NKAIN3: variants seen among roughly 807,000 people sequenced by gnomAD.
The protein encoded by NKAIN3 is sodium/potassium transporting ATPase interacting 3.
Under a neutral mutation model 30.2 loss-of-function variants are expected in NKAIN3, and 25 were observed. The observed-to-expected ratio is 0.83, with a 90% CI of 0.60 to 1.16. The LOEUF is 1.16. Ranked by LOEUF, NKAIN3 falls within the 50% of genes most tolerant of loss-of-function variation. NKAIN3 has a pLI of 0.00. For missense variants in NKAIN3, 225 were observed against 254.1 expected (o/e 0.89, Z 0.78); for synonymous variants, 91 against 89.6 (o/e 1.02, Z -0.09).
At chr8:62,419,174 A>G (rs1804554414) in intron 1 of NKAIN3, among the ~76,000 whole-genome samples, 2 of 152,186 alleles carry the variant, frequency 1.3e-5, no homozygotes, top group Admixed American at 1.3e-4. Context: ...TTGACCCCAC[A>G]GAGTACTCAT....
chr8:62,692,183 TGAA>T (rs1813991283), intron 3 of NKAIN3, among the ~76,000 whole-genome samples: 1 of 152,054 alleles, frequency 6.6e-6, no homozygotes, highest in Non-Finnish European at 1.5e-5. Context: ...CCAGAGAAAA[TGAA>T]GAAGCCAGCC....
At position 62,975,659 on chromosome 8, in the gene NKAIN3, C is replaced by A. The variant is rs1041535730; in HGVS notation, c.*10252C>A. Among the ~76,000 whole-genome samples the A allele has an allele frequency of 6.6e-6, 1 of 152,060 alleles. No individual in the cohort carries two copies. Among genetic ancestry groups the A allele is most frequent in the African/African-American group, 2.4e-5 (1 of 41,404 alleles). ...TTTGAAGGGTTTTTCGTATCTCTTT[C>A]AGTTCTGTTCTGATCTTAGTTATTT... On this transcript the variant is annotated 3_prime_UTR_variant, in exon 7 of 7. Coordinates refer to ENST00000623646, the MANE Select transcript of NKAIN3 (RefSeq NM_001304533.3).
intron 3 of NKAIN3, among the ~76,000 whole-genome samples, chr8:62,662,723 T>C (rs1274805916): frequency 6.6e-6 from 1 of 152,222 alleles, no homozygotes; most frequent in Non-Finnish European, 1.5e-5. Context: ...ACTTAGTAGA[T>C]TAGTTGGTTG....
rs78171294 is a variant in NKAIN3, at chr8:62,970,488, AT to A, written c.*5082del. ...TCATCTTTCTTGAACTTGCATTCAA[AT>A]AAAGGGTAAAAATCATGTTAAATGC... On this transcript the variant is annotated 3_prime_UTR_variant, in exon 7 of 7. Transcript: ENST00000623646. Among the ~76,000 whole-genome samples the A allele has an allele frequency of 0.12, 17,800 of 152,254 alleles. 1,197 individuals are homozygous for A. Among genetic ancestry groups the A allele is most frequent in the East Asian group, 0.21 (1,100 of 5,178 alleles).
intron 4 of NKAIN3, among the ~76,000 whole-genome samples, chr8:62,810,411 G>A (rs1382668710): frequency 6.6e-6 from 1 of 152,072 alleles, no homozygotes; most frequent in Admixed American, 6.6e-5. Flanking sequence ...GGAATGAGAA[G>A]GTCTGGGTTT....
chr8:62,315,607 G>A (rs73683095), intron 1 of NKAIN3, among the ~76,000 whole-genome samples: 5,353 of 152,288 alleles, frequency 0.035, 344 homozygotes, highest in African/African-American at 0.12. Flanking sequence ...CAGGGATGTG[G>A]CCATCTTGAT....
intron 3 of NKAIN3, among the ~76,000 whole-genome samples, chr8:62,731,376 C>T (rs1174399907): frequency 6.6e-6 from 1 of 151,992 alleles, no homozygotes; most frequent in Non-Finnish European, 1.5e-5. Context: ...GATATTATAA[C>T]TGTCTTTTCT....
chr8:62,926,736 A>G (rs1822459276), intron 5 of NKAIN3, among the ~76,000 whole-genome samples: 1 of 152,076 alleles, frequency 6.6e-6, no homozygotes. Flanking sequence ...GTCACACAAA[A>G]AAATAAAAGC....
chr8:62,517,783 A>T (rs1189512004), intron 1 of NKAIN3, among the ~76,000 whole-genome samples: 1 of 152,122 alleles, frequency 6.6e-6, no homozygotes, highest in Non-Finnish European at 1.5e-5. Flanking sequence ...ATCGATTTTA[A>T]GTTCTTCTGA....
At chr8:62,908,496 C>G (rs575496353) in intron 4 of NKAIN3, among the ~76,000 whole-genome samples, 1 of 138,774 alleles carries the variant, frequency 7.2e-6, no homozygotes, top group African/African-American at 2.8e-5. Context: ...CAAATCTCAT[C>G]TTGAATTATA....
intron 3 of NKAIN3, among the ~76,000 whole-genome samples, chr8:62,692,909 A>G (rs1814027215): frequency 6.6e-6 from 1 of 152,118 alleles, no homozygotes; most frequent in Non-Finnish European, 1.5e-5. Flanking sequence ...CTGCAGTTCT[A>G]ACTTAACTTG....
intron 1 of NKAIN3, among the ~76,000 whole-genome samples, chr8:62,487,218 G>A (rs1806929669): frequency 6.6e-6 from 1 of 152,188 alleles, no homozygotes; most frequent in African/African-American, 2.4e-5. Flanking sequence ...TGATGAGCTT[G>A]AGATTGTAAA....
chr8:62,534,033 T>G (rs1808569811), intron 1 of NKAIN3, among the ~76,000 whole-genome samples: 1 of 152,168 alleles, frequency 6.6e-6, no homozygotes, highest in South Asian at 2.1e-4. Context: ...GGCAACTTCG[T>G]GAAAACAAGG....
intron 3 of NKAIN3, among the ~76,000 whole-genome samples, chr8:62,696,999 T>G (rs555514883): frequency 4.6e-5 from 7 of 152,334 alleles, no homozygotes; most frequent in African/African-American, 1.4e-4. Flanking sequence ...ATGACACTGT[T>G]AAATTGCTTC....
chr8:62,573,189 A>G (rs982759262), intron 1 of NKAIN3, among the ~76,000 whole-genome samples: 1 of 152,170 alleles, frequency 6.6e-6, no homozygotes, highest in Non-Finnish European at 1.5e-5. Flanking sequence ...GATATACTTC[A>G]TATGGTCAAA....
At chr8:62,679,890 C>CA (rs527332486) in intron 3 of NKAIN3, among the ~76,000 whole-genome samples, 23 of 152,058 alleles carry the variant, frequency 1.5e-4, no homozygotes, top group Admixed American at 1.3e-3. Context: ...TATCACATGG[C>CA]AAAAAATAAC....
chr8:62,749,334 T>G (rs1205099857), intron 4 of NKAIN3, among the ~76,000 whole-genome samples: 1 of 152,206 alleles, frequency 6.6e-6, no homozygotes, highest in Non-Finnish European at 1.5e-5. Context: ...CTAAATAAAC[T>G]GTATGTGTTG....
intron 4 of NKAIN3, among the ~76,000 whole-genome samples, chr8:62,872,108 C>G (rs1353622815): frequency 1.3e-5 from 2 of 152,200 alleles, no homozygotes; most frequent in African/African-American, 2.4e-5. Context: ...CAGTAACTTG[C>G]TGCACATGCT....
intron 1 of NKAIN3, among the ~76,000 whole-genome samples, chr8:62,296,026 ATTGAG>A (rs1215773162): frequency 6.6e-6 from 1 of 152,196 alleles, no homozygotes; most frequent in African/African-American, 2.4e-5. Context: ...GTAAGACTGT[ATTGAG>A]TTATTTCAAA....
Sources: gnomAD v4.1 joint callset for allele counts (sites outside exome capture counted in the v4.1 genomes callset) on GRCh38, gnomAD v4.1.1 for gene constraint, MANE v1.5 for transcripts, NCBI Gene and HGNC (gene_info 2026-07-23, HGNC 2026-07-21) for gene names.